CFLAR: variants seen among roughly 807,000 people sequenced by gnomAD.
The protein encoded by CFLAR is CASP8 and FADD-like apoptosis regulator.
CFLAR carries 14 observed loss-of-function variants against 51.1 expected under a neutral mutation model. That is an observed-to-expected ratio of 0.27 (90% CI 0.18 to 0.43). The LOEUF (loss-of-function observed/expected upper bound fraction) is 0.43. Ranked by LOEUF, CFLAR falls within the 20% of genes least tolerant of loss-of-function variation. CFLAR has a pLI of 1.00. For missense variants in CFLAR, 390 were observed against 566.5 expected (o/e 0.69, Z 3.16); for synonymous variants, 210 against 211.6 (o/e 0.99, Z 0.06).
Position 201,151,725 on chromosome 2 carries a change from T to TA in CFLAR, c.793+1902dup, listed in dbSNP as rs1031191368. Among the ~76,000 whole-genome samples, 594 of 140,156 alleles carry TA rather than the reference T, an allele frequency of 4.2e-3. 3 individuals carry two copies. Among genetic ancestry groups the TA allele is most frequent in the African/African-American group, 0.011 (412 of 38,422 alleles). The allele number at this position is 140,156 out of a possible 152,430, so 91.9% of individuals were successfully genotyped here. ...GTATATCTGTTGTATGAGAGAATCA[T>TA]AAAAAAAAAAAAGCCATGACCTGCT... On this transcript the variant is annotated intron_variant, in intron 8 of 9. Coordinates refer to ENST00000309955, the MANE Select transcript of CFLAR (RefSeq NM_003879.7).
chr2:201,140,418 G>A lies in CFLAR; in HGVS notation c.585G>A (p.Lys195=), dbSNP rs773996294. ...AAGCAGCAATCCAAAAGAGTCTCAAGGATCCTTCAAATAACTTCAGGGTGA... is the reference window on the plus strand; with the variant it reads ...AAGCAGCAATCCAAAAGAGTCTCAAAGATCCTTCAAATAACTTCAGGGTGA... ...VLQAAIQKSL[K]DPSNNFRLHN... is the part of the protein sequence containing the mutation. Residue 195 remains lysine (K), a synonymous_variant, in exon 5 of 10, where the codon AAG becomes AAA. Transcript: ENST00000309955. The A allele has an allele frequency of 6.2e-7, 1 of 1,607,242 alleles. No individual in the cohort carries two copies. Among genetic ancestry groups the A allele is most frequent in the Non-Finnish European group, 8.5e-7 (1 of 1,178,298 alleles).
intron 8 of CFLAR, chr2:201,152,989 T>A (rs772667198): frequency 6.6e-6 from 1 of 152,292 alleles, no homozygotes; most frequent in Non-Finnish European, 1.5e-5. Context: ...AGAATCAGAA[T>A]GGCAGCTCTA....
At chr2:201,141,553 T>C in intron 5 of CFLAR, 8 of 1,309,574 alleles carry the variant, frequency 6.1e-6, no homozygotes, top group Non-Finnish European at 7.8e-6. Flanking sequence ...TTCCAATCTT[T>C]TGTTACTACT....
In CFLAR at chr2:201,133,068, T is replaced by C; in HGVS notation, c.321T>C (p.Ser107=). ...AGATTGGTGAGGATTTGGATAAATC[T>C]GATGTGTCCTCATTAATTTTCCTCA... ...MAEIGEDLDK[S]DVSSLIFLMK... The change falls in exon 3 of 10, where the codon TCT becomes TCC. Residue 107 remains serine (S), a synonymous_variant. Transcript: ENST00000309955. 2 of 1,610,426 alleles carry C rather than the reference T, an allele frequency of 1.2e-6. No individual in the cohort carries two copies. Among genetic ancestry groups the C allele is most frequent in the Non-Finnish European group, 1.7e-6 (2 of 1,176,602 alleles).
Position 201,149,773 on chromosome 2 carries a change from A to G in CFLAR, c.731A>G (p.Tyr244Cys). The G allele has an allele frequency of 6.2e-7, 1 of 1,613,466 alleles. No individual in the cohort carries two copies. Among genetic ancestry groups the G allele is most frequent in the Non-Finnish European group, 8.5e-7 (1 of 1,179,438 alleles). ...FLPQSIPEER[Y>C]KMKSKPLGIC... ...TTCCAGAGCATACCTGAAGAGAGAT[A>G]CAAGATGAAGAGCAAGCCCCTAGGA... Residue 244 changes from tyrosine (Y) to cysteine (C), a missense_variant, in exon 8 of 10, where the codon TAC becomes TGC. Coordinates refer to ENST00000309955, the MANE Select transcript of CFLAR (RefSeq NM_003879.7).
chr2:201,136,337 AGTTC>A (rs1359659911), intron 4 of CFLAR: 1 of 1,598,604 alleles, frequency 6.3e-7, no homozygotes, highest in East Asian at 2.2e-5. Context: ...GCTGCCAAGC[AGTTC>A]TTAACATTTC....
chr2:201,132,438 T>TAC (rs2049457154), intron 2 of CFLAR, among the ~76,000 whole-genome samples: 2 of 148,634 alleles, frequency 1.3e-5, no homozygotes, highest in African/African-American at 5.0e-5. Flanking sequence ...AAAATATATA[T>TAC]ATATATATAT....
chr2:201,128,966 G>C (rs2048967090), intron 1 of CFLAR, among the ~76,000 whole-genome samples: 1 of 152,136 alleles, frequency 6.6e-6, no homozygotes, highest in African/African-American at 2.4e-5. Flanking sequence ...GTAACTTCCA[G>C]ATGTTCCACT....
intron 8 of CFLAR, among the ~76,000 whole-genome samples, chr2:201,158,852 CATTATTATTATT>C (rs61427822): frequency 0.034 from 4,723 of 139,628 alleles, 122 homozygotes; most frequent in Middle Eastern, 0.075. Context: ...TTGCCCTCAT[CATTATTATTATT>C]ATTATTATTA....
intron 2 of CFLAR, 144 bp from the exon 3 acceptor site, chr2:201,132,885 T>G (rs2049519108): frequency 1.4e-6 from 1 of 706,936 alleles, no homozygotes. Flanking sequence ...TGATCTAGGC[T>G]TGCTGTTTTA....
chr2:201,150,104 G>A (rs1396336626), intron 8 of CFLAR: 2 of 205,160 alleles, frequency 9.7e-6, no homozygotes, highest in Non-Finnish European at 2.0e-5. Context: ...GGGAGGCGGA[G>A]GCGGGCGGAT....
rs116628141 is a variant in CFLAR at position 201,157,507 on chromosome 2, G to A, written c.794-2925G>A. Among the ~76,000 whole-genome samples, 1,134 of 152,146 alleles carry A rather than the reference G, an allele frequency of 7.5e-3. 14 individuals are homozygous for A. The highest frequency in any genetic ancestry group is 0.026 in the African/African-American group (1,075 of 41,464). On this transcript the variant is annotated intron_variant, in intron 8 of 9. Coordinates refer to ENST00000309955, the MANE Select transcript of CFLAR (RefSeq NM_003879.7). ...TCCTGCCTCAGCCTCCTGAGTAGCT[G>A]TGATGACTACAGGCTTGTACTACCA... is the stretch of plus-strand genomic sequence containing the variant.
intron 6 of CFLAR, chr2:201,148,796 C>G (rs917200862): frequency 2.0e-5 from 10 of 492,222 alleles, no homozygotes; most frequent in African/African-American, 3.9e-5. Context: ...CCAGATAGCC[C>G]CTGATAGCAC....
intron 1 of CFLAR, among the ~76,000 whole-genome samples, chr2:201,119,604 C>T (rs373643007): frequency 5.3e-5 from 8 of 152,070 alleles, no homozygotes; most frequent in African/African-American, 1.9e-4. Context: ...CTGTCATCTC[C>T]CCTCAGAAGA....
Position 201,176,422 on chromosome 2 carries a change from T to G in CFLAR, c.*12449T>G, listed in dbSNP as rs1298480047. 6.6e-6 allele frequency: 1 copy of G among 152,184 alleles called. No individual in the cohort carries two copies. Among genetic ancestry groups the G allele is most frequent in the African/African-American group, 2.4e-5 (1 of 41,446 alleles). The allele number at this position is 152,184 out of a possible 1,614,324, so 9.4% of individuals were successfully genotyped here. A position where few individuals can be genotyped will look rare whatever the true frequency, so the allele number is the denominator to read the frequency against. On this transcript the variant is annotated 3_prime_UTR_variant, in exon 10 of 10. Coordinates refer to ENST00000309955, the MANE Select transcript of CFLAR (RefSeq NM_003879.7). The stretch of plus-strand genomic sequence containing the variant: ...GGTGTGTGTCGGGGGAGCCCTCTCC[T>G]GCCTTGCTCAGACCTGAATGTACCC...
At position 201,168,199 on chromosome 2, in the gene CFLAR, G is replaced by A. The variant is rs186438071; in HGVS notation, c.*4226G>A. ...GGAGCTTGCAGCGAGCTGAGATCTT[G>A]CCACTGCACTCCAGCCTGGGCGACA... is the stretch of plus-strand genomic sequence containing the variant. On this transcript the variant is annotated 3_prime_UTR_variant, in exon 10 of 10. Transcript: ENST00000309955. The A allele has an allele frequency of 8.0e-3, 1,214 of 152,206 alleles. 3 individuals carry two copies. Among genetic ancestry groups the A allele is most frequent in the Non-Finnish European group, 0.013 (912 of 68,030 alleles). 9.4% of individuals were successfully genotyped at this position (152,206 alleles called of 1,614,324 possible).
intron 1 of CFLAR, among the ~76,000 whole-genome samples, chr2:201,119,451 GTTTA>G (rs1021587171): frequency 6.6e-6 from 1 of 152,112 alleles, no homozygotes; most frequent in Non-Finnish European, 1.5e-5. Context: ...GGTTCTTTTT[GTTTA>G]TTTGTTTGTT....
rs1180904998 is a variant in CFLAR at position 201,160,544 on chromosome 2, C to T, written c.906C>T (p.His302=). The T allele has an allele frequency of 1.9e-6, 3 of 1,614,036 alleles. No homozygotes were observed. Among genetic ancestry groups the T allele is most frequent in the Admixed American group, 1.7e-5 (1 of 60,012 alleles). Residue 302 remains histidine, a synonymous_variant, in exon 9 of 10, where the codon CAC becomes CAT. Transcript: ENST00000309955. The part of the protein sequence containing the change: ...ILGQFACMPE[H]RDYDSFVCVL... ...GCCAATTTGCCTGTATGCCCGAGCA[C>T]CGAGACTACGACAGCTTTGTGTGTG...
chr2:201,138,481 C>A lies in CFLAR; in HGVS notation c.524-1876C>A. On this transcript the variant is annotated intron_variant, in intron 4 of 9. Coordinates refer to ENST00000309955, the MANE Select transcript of CFLAR (RefSeq NM_003879.7). This position sits in a 1 kb window ranked among gnomAD's most constrained non-coding sequence, Gnocchi z 4.0. ...CAGGATCTCATTTGCCTCTTTCAAC[C>A]TCACACTGCTGGAGCCACCACTAGC... is the stretch of plus-strand genomic sequence containing the variant. 1 of 1,094,984 alleles carries A rather than the reference C, an allele frequency of 9.1e-7. No homozygotes were observed. The highest frequency in any genetic ancestry group is 1.4e-6 in the Non-Finnish European group (1 of 716,654). 67.8% of individuals were successfully genotyped at this position (1,094,984 alleles called of 1,614,324 possible).
Sources: allele counts gnomAD v4.1 joint callset (sites outside exome capture counted in the v4.1 genomes callset), GRCh38; gene constraint gnomAD v4.1.1; non-coding constraint Gnocchi (gnomAD v3.1); transcripts MANE v1.5; gene names NCBI Gene and HGNC (gene_info 2026-07-23, HGNC 2026-07-21).